The following TPSG1 variants were observed in gnomAD, a reference collection of about 807,000 sequenced individuals.
TPSG1 encodes tryptase gamma 1, also known as tryptase gamma.
In TPSG1, 43 loss-of-function variants were observed where a neutral mutation model predicts 23.8. That is an observed-to-expected ratio of 1.81 (90% CI 1.42 to 2.33). The LOEUF is 2.33. Among genes scored for constraint, TPSG1 ranks in the 30% most tolerant of loss-of-function variants. The pLI is 0.00. For synonymous variants in TPSG1, 302 were observed against 201.3 expected (o/e 1.50, Z -4.23); for missense variants, 623 against 438.6 (o/e 1.42, Z -3.75).
rs1379417191 is a variant in TPSG1 at position 1,222,898 on chromosome 16, A to C, written c.265T>G (p.Tyr89Asp). ...CFSGSLNSSD[Y>D]QVHLGELEIT... ...TCCAGTTCCCCCAGGTGCACCTGGT[A>C]GTCGGATGAGTTCAGGGACCTGGGA... The change falls in exon 4 of 6, where the codon TAC becomes GAC. Residue 89 changes from tyrosine (Y) to aspartate (D), a missense_variant. By Grantham distance (160) the Tyr-to-Asp change is radical (BLOSUM62 -3). Transcript: ENST00000234798. 1 of 1,607,510 alleles carries C rather than the reference A, an allele frequency of 6.2e-7. No individual in the cohort carries two copies. The highest frequency in any genetic ancestry group is 2.2e-5 in the East Asian group (1 of 44,750).
Position 1,221,923 on chromosome 16 carries a change from AGACTCTGAGCCCCCT to A in TPSG1, c.816_830del (p.Gly274_Gly278del), listed in dbSNP as rs1179913297. The A allele has an allele frequency of 1.2e-5, 19 of 1,611,664 alleles. No individual in the cohort carries two copies. Among genetic ancestry groups the A allele is most frequent in the Non-Finnish European group, 1.4e-5 (17 of 1,179,184 alleles). ...CCAGGAGGGGGAGCCTGGGGTACCC[AGACTCTGAGCCCCCT>A]GATGCTGTGATGTGGCGGCGGATCC... On this transcript the variant is annotated inframe_deletion, in exon 6 of 6. Transcript: ENST00000234798.
chr16:1,224,873 C>T (rs1053895427), intron 1 of TPSG1: 12 of 604,374 alleles, frequency 2.0e-5, no homozygotes, highest in Admixed American at 9.0e-5. Context: ...GCCTCCTCCC[C>T]GCCCTCCAGG....
At position 1,224,873 on chromosome 16, in the gene TPSG1, C is replaced by A. The variant is rs1053895427; in HGVS notation, c.47-245G>T. 8.3e-6 allele frequency: 5 copies of A among 604,374 alleles called. No individual in the cohort carries two copies. In the African/African-American group the frequency reaches 9.3e-5, roughly 11 times the overall value. The allele number at this position is 604,374 out of a possible 1,614,324, so 37.4% of individuals were successfully genotyped here. A position where few individuals can be genotyped will look rare whatever the true frequency, so the allele number is the denominator to read the frequency against. On this transcript the variant is annotated intron_variant, in intron 1 of 5. Transcript: ENST00000234798. Reference sequence around the variant, plus strand: ...TGGCCTCAGGCCTGGGCCTCCTCCCCGCCCTCCAGGTCCTGCTCAGGAAAG... The same window carrying A: ...TGGCCTCAGGCCTGGGCCTCCTCCCAGCCCTCCAGGTCCTGCTCAGGAAAG...
rs201663859 is a variant in TPSG1, at chr16:1,222,196, C to G, written c.657G>C (p.Gln219His). The stretch of plus-strand genomic sequence containing the variant: ...CTCTGTCACGGCCTGGCAGGCTCAC[C>G]TGGCAGGCATCCCCGGGGCCCCGGG... ...LCARGPGDAC[Q>H]DDSGGPLVCQ... The change falls in exon 5 of 6, where the codon CAG becomes CAC. Residue 219 changes from glutamine to histidine, a missense_variant and splice_region_variant. Gln to His is a conservative substitution (Grantham distance 24). Transcript: ENST00000234798. 3 of 1,611,512 alleles carry G rather than the reference C, an allele frequency of 1.9e-6. No homozygotes were observed. Among genetic ancestry groups the G allele is most frequent in the East Asian group, 4.5e-5 (2 of 44,858 alleles).
rs936617214 is a variant in TPSG1, at chr16:1,222,230, A to G, written c.623T>C (p.Met208Thr). Reference protein sequence around the residue: ...GPGGSILQPDMLCARGPGDAC... With the variant: ...GPGGSILQPDTLCARGPGDAC... ...ATCCCCGGGGCCCCGGGCACACAGC[A>G]TGTCGGGCTGAAGGATGCTGCCCCC... Residue 208 changes from methionine to threonine, a missense_variant, in exon 5 of 6, where the codon ATG becomes ACG. By Grantham distance (81) the Met-to-Thr change is moderately conservative. Coordinates refer to ENST00000234798, the MANE Select transcript of TPSG1 (RefSeq NM_012467.4). 3 of 1,611,608 alleles carry G rather than the reference A, an allele frequency of 1.9e-6. No homozygotes were observed. The highest frequency in any genetic ancestry group is 2.5e-6 in the Non-Finnish European group (3 of 1,179,746).
intron 3 of TPSG1, among the ~76,000 whole-genome samples, 176 bp downstream of exon 3, chr16:1,223,247 G>T (rs1306732438): frequency 6.6e-6 from 1 of 152,226 alleles, no homozygotes; most frequent in Non-Finnish European, 1.5e-5. Context: ...GGTGAGCAAA[G>T]AGCTGCAGAA....
rs750527366 is a variant in TPSG1 at position 1,222,257 on chromosome 16, G to A, written c.596C>T (p.Pro199Leu). 5.0e-6 allele frequency: 8 copies of A among 1,612,020 alleles called. No homozygotes were observed. In the African/African-American group the frequency reaches 9.3e-5, roughly 19 times the overall value. The change falls in exon 5 of 6, where the codon CCC becomes CTC. Residue 199 changes from proline (P) to leucine (L), a missense_variant. Coordinates refer to ENST00000234798, the MANE Select transcript of TPSG1 (RefSeq NM_012467.4). ...GTCGGGCTGAAGGATGCTGCCCCCG[G>A]GGCCGGGATAGTCCCGGCGGCAGGT... ...TETCRRDYPGPGGSILQPDML... is the reference protein window; with the variant it reads ...TETCRRDYPGLGGSILQPDML...
chr16:1,222,625 C>G, intron 4 of TPSG1, 27 bp downstream of exon 4: 2 of 1,523,468 alleles, frequency 1.3e-6, no homozygotes, highest in Non-Finnish European at 1.8e-6. Context: ...CTTCCTCCAT[C>G]CCAGCATCCC....
intron 2 of TPSG1, among the ~76,000 whole-genome samples, 167 bp downstream of exon 2, chr16:1,224,435 C>G (rs1382530452): frequency 6.6e-6 from 1 of 152,080 alleles, no homozygotes; most frequent in Admixed American, 6.5e-5. Context: ...CTGCAGCACA[C>G]CCCGACCAGC....
Position 1,222,015 on chromosome 16 carries a change from C to T in TPSG1, c.739G>A (p.Gly247Ser), listed in dbSNP as rs753878835. 49 of 1,612,444 alleles carry T rather than the reference C, an allele frequency of 3.0e-5. No homozygotes were observed. The highest frequency in any genetic ancestry group is 4.0e-5 in the African/African-American group (3 of 74,870). ...TAGACTCCCGGCCTGTTGGGGCGGC[C>T]GCAGCCCTCACCCCAGCTCACAGTG... ...AGTVSWGEGC[G>S]RPNRPGVYTR... is the part of the protein sequence containing the mutation. The change falls in exon 6 of 6, where the codon GGC becomes AGC. Residue 247 changes from glycine to serine, a missense_variant. By Grantham distance (56) the Gly-to-Ser change is moderately conservative. Transcript: ENST00000234798.
chr16:1,222,940 G>A (rs1220280356), intron 3 of TPSG1, 23 bp from the exon 4 acceptor site: 8 of 1,581,330 alleles, frequency 5.1e-6, no homozygotes, highest in Middle Eastern at 4.1e-4. Flanking sequence ...GTGGCTGGGT[G>A]AGAGGGGCCA....
intron 3 of TPSG1, 58 bp from the exon 4 acceptor site, chr16:1,222,975 C>T (rs959417585): frequency 7.6e-5 from 115 of 1,521,816 alleles, no homozygotes; most frequent in Non-Finnish European, 8.9e-5. Flanking sequence ...AGGTCAGTGT[C>T]GGCCCCGCCC....
intron 2 of TPSG1, 36 bp from the exon 3 acceptor site, chr16:1,223,630 C>A (rs1374370525): frequency 2.0e-6 from 3 of 1,524,328 alleles, no homozygotes; most frequent in Non-Finnish European, 2.6e-6. Flanking sequence ...TGGTGGGGAT[C>A]CCAAGAAACC....
Position 1,223,593 on chromosome 16 carries a change from C to G in TPSG1, c.75G>C (p.Gly25=), listed in dbSNP as rs2029972117. 1.9e-6 allele frequency: 3 copies of G among 1,539,352 alleles called. No homozygotes were observed. The East Asian group carries it at 7.4e-5, about 38-fold the overall frequency. ...CATCCGAAACCTGCGGCCGGCCACA[C>G]CCTAAGTCGAAGGAGGAAGGGGTGC... ...PGVSLRTLQP[G]CGRPQVSDAG... is the part of the protein sequence containing the mutation. Residue 25 remains glycine, a splice_region_variant and synonymous_variant, in exon 3 of 6, where the codon GGG becomes GGC. Coordinates refer to ENST00000234798, the MANE Select transcript of TPSG1 (RefSeq NM_012467.4).
At chr16:1,223,082 G>A (rs2029910734) in intron 3 of TPSG1, among the ~76,000 whole-genome samples, 165 bp from the exon 4 acceptor site, 1 of 152,214 alleles carries the variant, frequency 6.6e-6, no homozygotes, top group Admixed American at 6.5e-5. Flanking sequence ...AGGGCCCAAG[G>A]ACCACGGCAG....
At chr16:1,224,514 G>T in intron 2 of TPSG1, 88 bp downstream of exon 2, 1 of 1,566,548 alleles carries the variant, frequency 6.4e-7, no homozygotes, top group South Asian at 1.1e-5. Context: ...CCCCCATTGG[G>T]ACCCCAGGGA....
At chr16:1,222,518 C>T (rs1423189301) in intron 4 of TPSG1, 134 bp downstream of exon 4, 7 of 1,344,102 alleles carry the variant, frequency 5.2e-6, no homozygotes, top group Admixed American at 4.6e-5. Context: ...TGAAAAGGGA[C>T]AGCCGATAGG....
intron 3 of TPSG1, 74 bp downstream of exon 3, chr16:1,223,349 G>A (rs1385583217): frequency 1.1e-5 from 16 of 1,457,126 alleles, no homozygotes; most frequent in East Asian, 2.5e-5. Context: ...AAGACCAAGT[G>A]GAGGCCTCTG....
At chr16:1,223,829 T>G in intron 2 of TPSG1, 6 of 528,994 alleles carry the variant, frequency 1.1e-5, no homozygotes, top group Non-Finnish European at 6.5e-6. Context: ...CTCCACAAAC[T>G]AACCAGGGCT....
Sources: gnomAD v4.1 joint callset for allele counts (sites outside exome capture counted in the v4.1 genomes callset) on GRCh38, gnomAD v4.1.1 for gene constraint, MANE v1.5 for transcripts, NCBI Gene and HGNC (gene_info 2026-07-23, HGNC 2026-07-21) for gene names.